TRAF7: variants seen among roughly 807,000 people sequenced by gnomAD.
The protein encoded by TRAF7 is TNF receptor associated factor 7, also known as E3 ubiquitin-protein ligase TRAF7.
A neutral mutation model predicts 89.3 loss-of-function variants in TRAF7; 45 were observed. The observed-to-expected ratio is 0.50, with a 90% CI of 0.40 to 0.65. The LOEUF (loss-of-function observed/expected upper bound fraction) is 0.65. Ranked by LOEUF, TRAF7 falls within the 30% of genes least tolerant of loss-of-function variation. The pLI, the probability that TRAF7 is intolerant of heterozygous loss-of-function variation, is 0.00. For synonymous variants in TRAF7, 406 were observed against 369.2 expected (o/e 1.10, Z -1.14); for missense variants, 677 against 918.1 (o/e 0.74, Z 3.39).
chr16:2,172,041 C>T (rs1488208565), intron 7 of TRAF7, 150 bp from the exon 8 acceptor site: 1 of 890,350 alleles, frequency 1.1e-6, no homozygotes, highest in Admixed American at 2.4e-5. Context: ...GCTGCTCCTT[C>T]TTGGTGGCCC....
chr16:2,163,859 C>T lies in TRAF7; in HGVS notation c.-38-24C>T. 6.9e-7 allele frequency: 1 copy of T among 1,454,856 alleles called. No individual in the cohort carries two copies. The highest frequency in any genetic ancestry group is 2.3e-5 in the East Asian group (1 of 42,982). The allele number at this position is 1,454,856 out of a possible 1,614,324, so 90.1% of individuals were successfully genotyped here. A position where few individuals can be genotyped will look rare whatever the true frequency, so the allele number is the denominator to read the frequency against. On this transcript the variant is annotated intron_variant, in intron 1 of 20. Transcript: ENST00000326181. This position sits in a 1 kb window ranked among gnomAD's most constrained non-coding sequence, Gnocchi z 4.3. ...GGGGCCTGGGCTCCATCTCTCAAGC[C>T]CCTCATTTGTGCTCCACCCACAGGA...
intron 1 of TRAF7, 92 bp downstream of exon 1, chr16:2,155,950 G>A (rs1296676754): frequency 6.8e-6 from 1 of 146,736 alleles, no homozygotes; most frequent in African/African-American, 2.5e-5. Context: ...GAGGCGAGGC[G>A]AGGCGAGGCG....
In TRAF7 at chr16:2,159,364, A is replaced by T. The variant is rs2141264181; in HGVS notation, c.-39+3506A>T. On this transcript the variant is annotated intron_variant, in intron 1 of 20. Transcript: ENST00000326181. This position sits in a 1 kb window ranked among gnomAD's most constrained non-coding sequence, Gnocchi z 6.5. ...CAGGGCCTGCTGGGGTTCTGAGGGG[A>T]TCCTAAGGACCAAGGCTGGCAGAGG... Among the ~76,000 whole-genome samples the T allele has an allele frequency of 6.6e-6, 1 of 152,244 alleles. No individual in the cohort carries two copies. Among genetic ancestry groups the T allele is most frequent in the Admixed American group, 6.5e-5 (1 of 15,312 alleles).
chr16:2,158,597 G>A lies in TRAF7; in HGVS notation c.-39+2739G>A, dbSNP rs1337947731. On this transcript the variant is annotated intron_variant, in intron 1 of 20. Coordinates refer to ENST00000326181, the MANE Select transcript of TRAF7 (RefSeq NM_032271.3). This position sits in a 1 kb window ranked among gnomAD's most constrained non-coding sequence, Gnocchi z 4.7. ...CATGAGGGCGCTGGGTGACTGAGGGGGTCAGTGGTCTCTGCCCTCACATTC... is the reference window on the plus strand; with the variant it reads ...CATGAGGGCGCTGGGTGACTGAGGGAGTCAGTGGTCTCTGCCCTCACATTC... 1.3e-5 allele frequency among the ~76,000 whole-genome samples: 2 copies of A among 152,200 alleles called. No individual in the cohort carries two copies. The highest frequency in any genetic ancestry group is 2.9e-5 in the Non-Finnish European group (2 of 68,042).
At position 2,175,986 on chromosome 16, in the gene TRAF7, CTG is replaced by C. The variant is rs541934041; in HGVS notation, c.1746+36_1746+37del. On this transcript the variant is annotated intron_variant, in intron 18 of 20. Coordinates refer to ENST00000326181, the MANE Select transcript of TRAF7 (RefSeq NM_032271.3). ...CTGGGCATCTGGGTGCAAGGCCAGA[CTG>C]TGGCCCCGTCTCCCCCGCCTTGCTC... 3,404 of 1,612,260 alleles carry C rather than the reference CTG, an allele frequency of 2.1e-3. 12 individuals carry two copies. Among genetic ancestry groups the C allele is most frequent in the Admixed American group, 2.5e-3 (149 of 59,976 alleles).
rs1189026602 is a variant in TRAF7, at chr16:2,162,513, G to A, written c.-38-1370G>A. Among the ~76,000 whole-genome samples the A allele has an allele frequency of 6.6e-6, 1 of 152,146 alleles. No individual in the cohort carries two copies. The highest frequency in any genetic ancestry group is 6.5e-5 in the Admixed American group (1 of 15,286). On this transcript the variant is annotated intron_variant, in intron 1 of 20. Coordinates refer to ENST00000326181, the MANE Select transcript of TRAF7 (RefSeq NM_032271.3). This position sits in a 1 kb window ranked among gnomAD's most constrained non-coding sequence, Gnocchi z 5.0. ...ATGCCCCCTGAGCTGTGCTCCTGCT[G>A]GGTGGGGGCAGAGACCAGCTCCGCC...
Position 2,172,517 on chromosome 16 carries a change from A to C in TRAF7, c.712A>C (p.Ser238Arg). The C allele has an allele frequency of 6.2e-7, 1 of 1,600,518 alleles. No homozygotes were observed. The change falls in exon 9 of 21, where the codon AGC becomes CGC. Residue 238 changes from serine (S) to arginine (R), a missense_variant. Transcript: ENST00000326181. ...YRPVRCPNNP[S>R]CPPLLRMNLE... is the part of the protein sequence containing the mutation. ...GCCTGTGCGGTGTCCCAACAACCCC[A>C]GCTGCCCCCCGCTGCTCAGGATGAA...
intron 1 of TRAF7, among the ~76,000 whole-genome samples, chr16:2,157,836 G>GT (rs1173592234): frequency 6.6e-6 from 1 of 152,168 alleles, no homozygotes; most frequent in Admixed American, 6.5e-5. Flanking sequence ...GGTCACAGCG[G>GT]CACAGCCTGC....
Position 2,161,557 on chromosome 16 carries a change from T to C in TRAF7, c.-38-2326T>C, listed in dbSNP as rs1462507540. Among the ~76,000 whole-genome samples the C allele has an allele frequency of 6.6e-6, 1 of 152,100 alleles. No individual in the cohort carries two copies. The highest frequency in any genetic ancestry group is 1.5e-5 in the Non-Finnish European group (1 of 68,004). Reference sequence around the variant, plus strand: ...CACTGGCAGGGCTTGCAGCTGGCCCTGGGGCCCCGGAAGCTTGCAGTACAG... The same window carrying C: ...CACTGGCAGGGCTTGCAGCTGGCCCCGGGGCCCCGGAAGCTTGCAGTACAG... On this transcript the variant is annotated intron_variant, in intron 1 of 20. Coordinates refer to ENST00000326181, the MANE Select transcript of TRAF7 (RefSeq NM_032271.3). This position sits in a 1 kb window ranked among gnomAD's most constrained non-coding sequence, Gnocchi z 5.2.
intron 17 of TRAF7, 67 bp from the exon 18 acceptor site, chr16:2,175,767 T>G: frequency 2.5e-6 from 4 of 1,601,928 alleles, no homozygotes; most frequent in Non-Finnish European, 2.6e-6. Context: ...GCTGAAGCCC[T>G]GGGGGTGCGG....
chr16:2,167,114 C>CA (rs2093089618), intron 3 of TRAF7, among the ~76,000 whole-genome samples: 1 of 152,056 alleles, frequency 6.6e-6, no homozygotes, highest in Non-Finnish European at 1.5e-5. Context: ...TCCTACCCCC[C>CA]AAAAAACGGT....
chr16:2,175,689 T>C, intron 17 of TRAF7, 67 bp downstream of exon 17: 1 of 1,592,878 alleles, frequency 6.3e-7, no homozygotes, highest in Non-Finnish European at 8.6e-7. Context: ...GGCCAGCACC[T>C]GGGGCTCCAT....
At position 2,163,108 on chromosome 16, in the gene TRAF7, C is replaced by A. The variant is rs976986158; in HGVS notation, c.-38-775C>A. On this transcript the variant is annotated intron_variant, in intron 1 of 20. Transcript: ENST00000326181. The surrounding 1 kb of genome is among the most constrained non-coding windows in gnomAD (Gnocchi z 4.3). ...GGTGTCCCTGGGCCTGGCCAGCACT[C>A]CCAGCACCCACGGAGGGGCCACGTC... Among the ~76,000 whole-genome samples the A allele has an allele frequency of 1.3e-5, 2 of 152,150 alleles. No individual in the cohort carries two copies. The highest frequency in any genetic ancestry group is 4.8e-5 in the African/African-American group (2 of 41,422).
Position 2,165,902 on chromosome 16 carries a change from AC to A in TRAF7, c.108del (p.Ala37ProfsTer91). On this transcript the variant is annotated frameshift_variant, in exon 3 of 21. Transcript: ENST00000326181. LOFTEE classifies it high-confidence loss of function. ...TGTRMETTFG[P>X]AFSAVTTITK... The stretch of plus-strand genomic sequence containing the variant: ...AGACCAGAATGGAAACGACCTTCGG[AC>A]CCGCCTTTTCAGCCGTCACCACCAT... The A allele has an allele frequency of 6.2e-7, 1 of 1,614,016 alleles. No homozygotes were observed. Among genetic ancestry groups the A allele is most frequent in the East Asian group, 2.2e-5 (1 of 44,874 alleles).
At position 2,161,003 on chromosome 16, in the gene TRAF7, G is replaced by A. The variant is rs779514592; in HGVS notation, c.-38-2880G>A. On this transcript the variant is annotated intron_variant, in intron 1 of 20. Transcript: ENST00000326181. The surrounding 1 kb of genome is among the most constrained non-coding windows in gnomAD (Gnocchi z 5.2). Reference sequence around the variant, plus strand: ...GGGGACTGGGCTGAGGGGAGGCCTCGGGCATCTTGCTCAATTCCGAGGTGC... The same window carrying A: ...GGGGACTGGGCTGAGGGGAGGCCTCAGGCATCTTGCTCAATTCCGAGGTGC... 5.3e-5 allele frequency among the ~76,000 whole-genome samples: 8 copies of A among 152,168 alleles called. No homozygotes were observed. Among genetic ancestry groups the A allele is most frequent in the Non-Finnish European group, 1.2e-4 (8 of 67,978 alleles).
chr16:2,160,550 T>TGCTC (rs1210448123), intron 1 of TRAF7, among the ~76,000 whole-genome samples: 1 of 5,682 alleles, frequency 1.8e-4, no homozygotes, highest in African/African-American at 9.1e-4. Context: ...GCGGTGTGGA[T>TGCTC]GGGCGGGCGG....
Position 2,159,684 on chromosome 16 carries a change from G to T in TRAF7, c.-39+3826G>T, listed in dbSNP as rs911108953. On this transcript the variant is annotated intron_variant, in intron 1 of 20. Coordinates refer to ENST00000326181, the MANE Select transcript of TRAF7 (RefSeq NM_032271.3). The surrounding 1 kb of genome is among the most constrained non-coding windows in gnomAD (Gnocchi z 6.5). ...CACACAGCCCTGTGGCAGGCGGGGC[G>T]GAGGCTTCTGGAGCCGTCCCAGGCT... is the stretch of plus-strand genomic sequence containing the variant. Among the ~76,000 whole-genome samples, 1 of 152,196 alleles carries T rather than the reference G, an allele frequency of 6.6e-6. No individual in the cohort carries two copies. The highest frequency in any genetic ancestry group is 6.5e-5 in the Admixed American group (1 of 15,292).
At chr16:2,171,668 G>A in intron 7 of TRAF7, 63 bp downstream of exon 7, 1 of 1,610,770 alleles carries the variant, frequency 6.2e-7, no homozygotes, top group Non-Finnish European at 8.5e-7. Context: ...AGCAGAGGCG[G>A]GCGGCTTCTC....
In TRAF7 at chr16:2,170,572, C is replaced by G; in HGVS notation, c.232-42C>G. The G allele has an allele frequency of 2.0e-6, 3 of 1,516,054 alleles. No individual in the cohort carries two copies. In the South Asian group the frequency reaches 3.4e-5, roughly 17 times the overall value. 93.9% of individuals were successfully genotyped at this position (1,516,054 alleles called of 1,614,324 possible). A position where few individuals can be genotyped will look rare whatever the true frequency, so the allele number is the denominator to read the frequency against. ...GTCCTGTCCTCCCCGAGGCTCTGAC[C>G]CCGTGCGGAGCCCCCCGACAGGCGC... is the stretch of plus-strand genomic sequence containing the variant. On this transcript the variant is annotated intron_variant, in intron 4 of 20. Coordinates refer to ENST00000326181, the MANE Select transcript of TRAF7 (RefSeq NM_032271.3).
Sources: allele counts gnomAD v4.1 joint callset (sites outside exome capture counted in the v4.1 genomes callset), GRCh38; gene constraint gnomAD v4.1.1; non-coding constraint Gnocchi (gnomAD v3.1); transcripts MANE v1.5; gene names NCBI Gene and HGNC (gene_info 2026-07-23, HGNC 2026-07-21).